The following MTUS1 variants were observed in gnomAD, a reference collection of about 807,000 sequenced individuals.
MTUS1 encodes microtubule-associated tumor suppressor 1.
Under a neutral mutation model 120.8 loss-of-function variants are expected in MTUS1, and 109 were observed. The observed-to-expected ratio is 0.90, with a 90% CI of 0.77 to 1.06. MTUS1 has a LOEUF of 1.06. Ranked by LOEUF, MTUS1 falls within the 50% of genes least tolerant of loss-of-function variation. The pLI is 0.00. For synonymous variants in MTUS1, 737 were observed against 550.5 expected (o/e 1.34, Z -4.74); for missense variants, 2,210 against 1,486.3 (o/e 1.49, Z -8.01).
At chr8:17,688,104 C>G (rs1455796864) in intron 6 of MTUS1, among the ~76,000 whole-genome samples, 3 of 152,162 alleles carry the variant, frequency 2.0e-5, no homozygotes, top group Non-Finnish European at 2.9e-5. Flanking sequence ...AGTTAGAGAC[C>G]AGACCTACTG....
chr8:17,701,295 T>G (rs1012652739), intron 6 of MTUS1, among the ~76,000 whole-genome samples: 34 of 152,156 alleles, frequency 2.2e-4, no homozygotes, highest in African/African-American at 7.7e-4. Flanking sequence ...TGTAGAAACT[T>G]CAACTTAAGG....
intron 8 of MTUS1, among the ~76,000 whole-genome samples, chr8:17,673,013 C>G (rs773845848): frequency 5.9e-5 from 9 of 152,174 alleles, no homozygotes; most frequent in Non-Finnish European, 1.2e-4. Context: ...CGGAGAGAGG[C>G]TGAAATGTGA....
rs775015841 is a variant in MTUS1, at chr8:17,653,161, T to C, written c.3384+25A>G. ...GCAACTGAGAAGAAAAATTCCATACTGATAAAGGAGCACACACAACTTACC... is the reference window on the plus strand; with the variant it reads ...GCAACTGAGAAGAAAAATTCCATACCGATAAAGGAGCACACACAACTTACC... On this transcript the variant is annotated intron_variant, in intron 12 of 14. Transcript: ENST00000693296. 6 of 1,353,510 alleles carry C rather than the reference T, an allele frequency of 4.4e-6. No homozygotes were observed. In the South Asian group the frequency reaches 6.7e-5, roughly 15 times the overall value. The allele number at this position is 1,353,510 out of a possible 1,614,324, so 83.8% of individuals were successfully genotyped here. A position where few individuals can be genotyped will look rare whatever the true frequency, so the allele number is the denominator to read the frequency against.
chr8:17,764,626 A>C (rs1428126321), intron 1 of MTUS1, among the ~76,000 whole-genome samples: 1 of 152,228 alleles, frequency 6.6e-6, no homozygotes, highest in African/African-American at 2.4e-5. Flanking sequence ...AAAATATCTT[A>C]GGCTTTACAG....
chr8:17,725,879 G>A (rs2046197768), intron 3 of MTUS1, among the ~76,000 whole-genome samples: 3 of 152,120 alleles, frequency 2.0e-5, no homozygotes, highest in African/African-American at 4.8e-5. Context: ...CCAAAAGATT[G>A]CACACCCCAA....
At position 17,646,074 on chromosome 8, in the gene MTUS1, C is replaced by G. The variant is rs777939787; in HGVS notation, c.3665G>C (p.Arg1222Pro). The change falls in exon 15 of 15, where the codon CGA becomes CCA. Residue 1222 changes from arginine to proline, a missense_variant. Arg to Pro is a moderately radical substitution (Grantham distance 103). Coordinates refer to ENST00000693296, the MANE Select transcript of MTUS1 (RefSeq NM_001363059.2). ...SLEKESKVNKRLSMENEELLW... is the reference protein window; with the variant it reads ...SLEKESKVNKPLSMENEELLW... ...AAGCTCCTCGTTTTCCATAGAGAGT[C>G]GCTTGTTGACTTTCGACTCCTTCTC... 3 of 1,613,200 alleles carry G rather than the reference C, an allele frequency of 1.9e-6. No homozygotes were observed. The highest frequency in any genetic ancestry group is 2.7e-5 in the African/African-American group (2 of 74,756).
In MTUS1 at chr8:17,713,888, C is replaced by T. The variant is rs185519981; in HGVS notation, c.2585-636G>A. On this transcript the variant is annotated intron_variant, in intron 5 of 14. Coordinates refer to ENST00000693296, the MANE Select transcript of MTUS1 (RefSeq NM_001363059.2). ...ACAGAGATGATGATCTCTTAAAATA[C>T]GTGGCTGTTATCAATGGAAAGCACT... Among the ~76,000 whole-genome samples the T allele has an allele frequency of 1.0e-3, 152 of 152,236 alleles. 1 individual carries two copies. The highest frequency in any genetic ancestry group is 3.3e-3 in the African/African-American group (137 of 41,558).
chr8:17,676,365 G>C lies in MTUS1; in HGVS notation c.2839-1113C>G, dbSNP rs778799479. 5.7e-6 allele frequency: 4 copies of C among 702,272 alleles called. No homozygotes were observed. The East Asian group carries it at 1.1e-4, about 19-fold the overall frequency. 43.5% of individuals were successfully genotyped at this position (702,272 alleles called of 1,614,324 possible). On this transcript the variant is annotated intron_variant, in intron 7 of 14. Transcript: ENST00000693296. ...CTGTCTCCAAGTCCCCCCACCCCTC[G>C]CACTGTGCAAGAAGCATACAGGTGG...
At chr8:17,777,574 A>T (rs1418905982) in intron 1 of MTUS1, among the ~76,000 whole-genome samples, 1 of 152,194 alleles carries the variant, frequency 6.6e-6, no homozygotes, top group Admixed American at 6.5e-5. Flanking sequence ...ATCTCTACAG[A>T]GACGTGGATG....
At chr8:17,742,230 C>A (rs1019506997) in intron 3 of MTUS1, among the ~76,000 whole-genome samples, 24 of 151,164 alleles carry the variant, frequency 1.6e-4, no homozygotes, top group African/African-American at 4.4e-4. Context: ...AGCTGAGGAG[C>A]CCCTACAAGG....
At chr8:17,798,637 AT>A (rs1470371484) in intron 1 of MTUS1, among the ~76,000 whole-genome samples, 1 of 152,030 alleles carries the variant, frequency 6.6e-6, no homozygotes, top group Non-Finnish European at 1.5e-5. Flanking sequence ...CGGCTGGAAA[AT>A]TTTTTTTAAA....
At chr8:17,649,360 C>T (rs552682456) in intron 13 of MTUS1, among the ~76,000 whole-genome samples, 7 of 152,210 alleles carry the variant, frequency 4.6e-5, no homozygotes, top group Non-Finnish European at 8.8e-5. Context: ...GCCCAGCCCA[C>T]GATTCTTTTA....
intron 1 of MTUS1, among the ~76,000 whole-genome samples, chr8:17,792,160 G>A (rs762797817): frequency 2.0e-5 from 3 of 152,042 alleles, no homozygotes; most frequent in Non-Finnish European, 4.4e-5. Flanking sequence ...GTTTCATAAT[G>A]GATGTCATGG....
chr8:17,762,132 TG>T (rs1479084009), intron 1 of MTUS1, among the ~76,000 whole-genome samples: 1 of 151,840 alleles, frequency 6.6e-6, no homozygotes, highest in Non-Finnish European at 1.5e-5. Context: ...ATACAAAAAT[TG>T]CCAGGTATGG....
intron 4 of MTUS1, among the ~76,000 whole-genome samples, chr8:17,720,649 A>G (rs569226431): frequency 6.6e-6 from 1 of 152,298 alleles, no homozygotes; most frequent in South Asian, 2.1e-4. Flanking sequence ...GCAAAGTTAT[A>G]CACTCTCCCA....
Position 17,654,396 on chromosome 8 carries a change from G to T in MTUS1, c.3214+165C>A, listed in dbSNP as rs917132612. On this transcript the variant is annotated intron_variant, in intron 10 of 14. Coordinates refer to ENST00000693296, the MANE Select transcript of MTUS1 (RefSeq NM_001363059.2). ...ATTATTTGCATCCTTAGTGGGAAAA[G>T]GCATCTGTTAACAATAAACCACGCA... 1.5e-5 allele frequency: 9 copies of T among 599,082 alleles called. No individual in the cohort carries two copies. The South Asian group carries it at 1.9e-4, about 13-fold the overall frequency. 37.1% of individuals were successfully genotyped at this position (599,082 alleles called of 1,614,324 possible). A position where few individuals can be genotyped will look rare whatever the true frequency, so the allele number is the denominator to read the frequency against.
chr8:17,798,680 C>G (rs1322708508), intron 1 of MTUS1, among the ~76,000 whole-genome samples: 3 of 152,084 alleles, frequency 2.0e-5, no homozygotes, highest in Non-Finnish European at 4.4e-5. Context: ...AGTTCTGAAG[C>G]TACGATTTAG....
intron 1 of MTUS1, among the ~76,000 whole-genome samples, chr8:17,785,893 A>T (rs2131552591): frequency 6.6e-6 from 1 of 152,308 alleles, no homozygotes; most frequent in East Asian, 1.9e-4. Flanking sequence ...GCCTGTAATC[A>T]CGGCACTTTG....
chr8:17,760,942 C>T (rs2048994583), intron 1 of MTUS1, among the ~76,000 whole-genome samples: 2 of 151,836 alleles, frequency 1.3e-5, no homozygotes, highest in Non-Finnish European at 2.9e-5. Context: ...AAAGGTATAA[C>T]ACTTGTGTAA....
Sources: gnomAD v4.1 joint callset for allele counts (sites outside exome capture counted in the v4.1 genomes callset) on GRCh38, gnomAD v4.1.1 for gene constraint, MANE v1.5 for transcripts, NCBI Gene and HGNC (gene_info 2026-07-23, HGNC 2026-07-21) for gene names.